Variants in GPC5 observed in about 807,000 individuals in gnomAD.
GPC5 encodes the protein glypican 5.
Under a neutral mutation model 53.9 loss-of-function variants are expected in GPC5, and 47 were observed. That is an observed-to-expected ratio of 0.87 (90% CI 0.69 to 1.11). The LOEUF (loss-of-function observed/expected upper bound fraction) is 1.11, where lower values mean the gene tolerates loss of function less well. GPC5 is among the 50% of genes most tolerant of loss of function. The probability of loss-of-function intolerance (pLI) is 0.00; values close to 1 mark genes in which losing one functional copy is unlikely to be tolerated. For synonymous variants in GPC5, 286 were observed against 263.3 expected, an observed-to-expected ratio of 1.09 and a Z score of -0.84; for missense variants, 748 against 713.1, an observed-to-expected ratio of 1.05 and a Z score of -0.56.
At chr13:92,317,221 T>C (rs2043185176) in intron 7 of GPC5, among the ~76,000 whole-genome samples, 1 of 152,068 alleles carries the variant, frequency 6.6e-6, no homozygotes, top group Non-Finnish European at 1.5e-5. Flanking sequence ...GTCATCATCA[T>C]GATAGATAGT....
chr13:91,447,027 A>G (rs1006095683), intron 1 of GPC5, among the ~76,000 whole-genome samples: 6 of 152,202 alleles, frequency 3.9e-5, no homozygotes, highest in South Asian at 2.1e-4. Flanking sequence ...ACAAAGGCCA[A>G]TGTTTCCGGA....
intron 7 of GPC5, among the ~76,000 whole-genome samples, chr13:92,804,928 CT>C (rs1877037893): frequency 6.6e-6 from 1 of 151,992 alleles, no homozygotes; most frequent in African/African-American, 2.4e-5. Flanking sequence ...ACTTTATTTT[CT>C]CATCCATATG....
chr13:92,217,772 A>G (rs1322570818), intron 7 of GPC5, among the ~76,000 whole-genome samples: 1 of 152,046 alleles, frequency 6.6e-6, no homozygotes, highest in Non-Finnish European at 1.5e-5. Flanking sequence ...CTTGATGTAG[A>G]CTTGACTAGC....
At chr13:92,382,040 A>G (rs1368199143) in intron 7 of GPC5, among the ~76,000 whole-genome samples, 1 of 151,084 alleles carries the variant, frequency 6.6e-6, no homozygotes, top group Non-Finnish European at 1.5e-5. Context: ...CAGCCATAAG[A>G]AGGAATAAAA....
intron 2 of GPC5, among the ~76,000 whole-genome samples, chr13:91,620,918 G>A (rs866887952): frequency 6.6e-6 from 1 of 152,086 alleles, no homozygotes; most frequent in South Asian, 2.1e-4. Context: ...ACAATACTTG[G>A]AATTTTGTGA....
intron 2 of GPC5, among the ~76,000 whole-genome samples, chr13:91,574,498 C>A (rs766676003): frequency 6.6e-6 from 1 of 151,830 alleles, no homozygotes; most frequent in South Asian, 2.1e-4. Context: ...CAATAAGGGA[C>A]CGACAGAACA....
intron 7 of GPC5, among the ~76,000 whole-genome samples, chr13:92,720,894 T>C (rs1888491103): frequency 1.3e-5 from 2 of 152,078 alleles, no homozygotes; most frequent in South Asian, 2.1e-4. Context: ...ATTCAAAACG[T>C]AGGAAAAGAT....
chr13:92,732,121 C>T (rs2139300217), intron 7 of GPC5, among the ~76,000 whole-genome samples: 1 of 151,430 alleles, frequency 6.6e-6, no homozygotes, highest in South Asian at 2.1e-4. Flanking sequence ...AAGAAAAATA[C>T]TAGTGACTTT....
chr13:92,435,204 T>G (rs1159157097), intron 7 of GPC5, among the ~76,000 whole-genome samples: 1 of 152,182 alleles, frequency 6.6e-6, no homozygotes, highest in Non-Finnish European at 1.5e-5. Context: ...CATGAGCCAC[T>G]GCACCCAGCA....
intron 7 of GPC5, among the ~76,000 whole-genome samples, chr13:92,527,203 A>AAG (rs1881358538): frequency 3.4e-5 from 1 of 29,032 alleles, no homozygotes; most frequent in African/African-American, 2.6e-4. Flanking sequence ...GAAAGAAAGA[A>AAG]AGAAAGAAAG....
At chr13:92,445,254 T>C (rs972404720) in intron 7 of GPC5, among the ~76,000 whole-genome samples, 1 of 147,516 alleles carries the variant, frequency 6.8e-6, no homozygotes, top group African/African-American at 2.5e-5. Context: ...CCTTTCTCTC[T>C]CTCTCTCTTT....
At chr13:91,528,918 CA>C (rs1330555776) in intron 2 of GPC5, among the ~76,000 whole-genome samples, 1 of 152,152 alleles carries the variant, frequency 6.6e-6, no homozygotes, top group Non-Finnish European at 1.5e-5. Flanking sequence ...GAGGACAGCA[CA>C]GGGGAAACCA....
chr13:92,113,985 T>C (rs1360818882), intron 6 of GPC5, among the ~76,000 whole-genome samples: 1 of 152,206 alleles, frequency 6.6e-6, no homozygotes, highest in Non-Finnish European at 1.5e-5. Flanking sequence ...TCCTTCAAAA[T>C]GTTTAGTATC....
At chr13:92,278,263 A>G (rs571632712) in intron 7 of GPC5, among the ~76,000 whole-genome samples, 1 of 152,112 alleles carries the variant, frequency 6.6e-6, no homozygotes, top group African/African-American at 2.4e-5. Context: ...GTTTGCAGAC[A>G]CATTTAAAGC....
At chr13:92,035,829 A>G (rs1340887301) in intron 6 of GPC5, among the ~76,000 whole-genome samples, 4 of 150,530 alleles carry the variant, frequency 2.7e-5, no homozygotes, top group Admixed American at 2.0e-4. Flanking sequence ...TCTTCCCTGC[A>G]GAGATCTGAG....
chr13:92,288,023 G>A (rs1456784256), intron 7 of GPC5, among the ~76,000 whole-genome samples: 1 of 151,812 alleles, frequency 6.6e-6, no homozygotes, highest in Non-Finnish European at 1.5e-5. Flanking sequence ...CCTTACATCT[G>A]CTAAAATCTC....
chr13:91,730,021 T>C (rs1331942443), intron 4 of GPC5, among the ~76,000 whole-genome samples: 1 of 152,186 alleles, frequency 6.6e-6, no homozygotes, highest in Admixed American at 6.5e-5. Context: ...TCTTGCAAAC[T>C]CATTGTTTTG....
intron 5 of GPC5, among the ~76,000 whole-genome samples, chr13:91,765,268 G>A (rs2037500641): frequency 6.6e-6 from 1 of 152,246 alleles, no homozygotes; most frequent in Non-Finnish European, 1.5e-5. Flanking sequence ...GAATGCCGTA[G>A]CAGTTCAATC....
intron 3 of GPC5, among the ~76,000 whole-genome samples, chr13:91,705,944 G>C (rs981267826): frequency 1.4e-5 from 2 of 144,926 alleles, no homozygotes; most frequent in Non-Finnish European, 3.0e-5. Flanking sequence ...GCAGTGGCAC[G>C]ATCTCGGCTC....
Sources: allele counts gnomAD v4.1 joint callset (sites outside exome capture counted in the v4.1 genomes callset), GRCh38; gene constraint gnomAD v4.1.1; transcripts MANE v1.5; gene names NCBI Gene and HGNC (gene_info 2026-07-23, HGNC 2026-07-21).